SRGAP3: variants seen among roughly 807,000 people sequenced by gnomAD.
SRGAP3 encodes SLIT-ROBO Rho GTPase activating protein 3, also known as SLIT-ROBO Rho GTPase-activating protein 3.
SRGAP3 carries 39 observed loss-of-function variants against 121.1 expected under a neutral mutation model. The observed-to-expected ratio is 0.32, with a 90% CI of 0.25 to 0.42. The LOEUF (loss-of-function observed/expected upper bound fraction) is 0.42. Ranked by LOEUF, SRGAP3 falls within the 10% of genes least tolerant of loss-of-function variation. The pLI, the probability that SRGAP3 is intolerant of heterozygous loss-of-function variation, is 1.00. For synonymous variants in SRGAP3, 601 were observed against 570.0 expected (o/e 1.05, Z -0.77); for missense variants, 1,213 against 1,470.6 (o/e 0.82, Z 2.86).
intron 1 of SRGAP3, among the ~76,000 whole-genome samples, chr3:9,140,744 T>C (rs1949818284): frequency 6.6e-6 from 1 of 152,266 alleles, no homozygotes; most frequent in South Asian, 2.1e-4. Context: ...GGGCCATAGG[T>C]TGCCAACTCC....
chr3:9,185,057 C>T (rs1321705837), intron 1 of SRGAP3, among the ~76,000 whole-genome samples: 19 of 152,192 alleles, frequency 1.2e-4, no homozygotes, highest in Non-Finnish European at 5.9e-5. Flanking sequence ...GAAACCCCAT[C>T]TCTAAAACTA....
At chr3:9,211,664 T>TC (rs1457055282) in intron 1 of SRGAP3, among the ~76,000 whole-genome samples, 2 of 137,040 alleles carry the variant, frequency 1.5e-5, no homozygotes, top group Non-Finnish European at 3.1e-5. Flanking sequence ...ATCTTTCTTT[T>TC]CTTTTTTTTT....
At chr3:9,173,656 C>A (rs998570588) in intron 1 of SRGAP3, among the ~76,000 whole-genome samples, 11 of 152,082 alleles carry the variant, frequency 7.2e-5, no homozygotes, top group African/African-American at 2.7e-4. Context: ...AGTGGCTTCA[C>A]ACATGTTGTT....
intron 14 of SRGAP3, among the ~76,000 whole-genome samples, chr3:9,019,783 T>C (rs1943822637): frequency 6.6e-6 from 1 of 152,220 alleles, no homozygotes; most frequent in Non-Finnish European, 1.5e-5. Flanking sequence ...TCAGTTCCCA[T>C]CTGTTCTCTT....
chr3:9,029,950 G>C (rs1041417598), intron 12 of SRGAP3, among the ~76,000 whole-genome samples: 3 of 146,414 alleles, frequency 2.0e-5, no homozygotes, highest in African/African-American at 7.7e-5. Flanking sequence ...AGACCAGCCT[G>C]AACAACATGG....
chr3:9,251,264 C>T (rs1559243813), upstream of SRGAP3, among the ~76,000 whole-genome samples: 1 of 152,206 alleles, frequency 6.6e-6, no homozygotes, highest in Admixed American at 6.5e-5. Flanking sequence ...AATCATGGGG[C>T]TTATTATAGC....
chr3:9,260,672 C>T (rs1954235808), intron 3 of SRGAP3, among the ~76,000 whole-genome samples: 1 of 152,196 alleles, frequency 6.6e-6, no homozygotes, highest in Non-Finnish European at 1.5e-5. Flanking sequence ...GATACAATTC[C>T]CATCTCCCTG....
intron 21 of SRGAP3, among the ~76,000 whole-genome samples, chr3:8,988,435 T>A (rs1941851337): frequency 6.6e-6 from 1 of 152,168 alleles, no homozygotes; most frequent in Admixed American, 6.5e-5. Flanking sequence ...GTTACTTACA[T>A]ATCATTTACT....
At chr3:9,253,548 A>G (rs1222319717), upstream of SRGAP3, among the ~76,000 whole-genome samples, 2 of 152,028 alleles carry the variant, frequency 1.3e-5, no homozygotes, top group Non-Finnish European at 2.9e-5. Flanking sequence ...AAGTACTTTT[A>G]TTTTTCTGGT....
intron 3 of SRGAP3, among the ~76,000 whole-genome samples, chr3:9,088,814 C>T (rs1362480533): frequency 2.6e-5 from 4 of 152,134 alleles, no homozygotes; most frequent in African/African-American, 9.7e-5. Flanking sequence ...TCTGGTAATT[C>T]TAGAAGATCC....
At chr3:9,093,351 A>G (rs1947832689) in intron 3 of SRGAP3, among the ~76,000 whole-genome samples, 1 of 152,116 alleles carries the variant, frequency 6.6e-6, no homozygotes, top group African/African-American at 2.4e-5. Context: ...GTATTCACCC[A>G]TCTATCCACC....
At chr3:9,172,704 G>C (rs1422025485) in intron 1 of SRGAP3, among the ~76,000 whole-genome samples, 1 of 152,106 alleles carries the variant, frequency 6.6e-6, no homozygotes, top group African/African-American at 2.4e-5. Context: ...GCCTCTCCTG[G>C]GCACTTGAAG....
At chr3:9,129,882 C>A (rs1010765475) in intron 1 of SRGAP3, among the ~76,000 whole-genome samples, 2 of 152,008 alleles carry the variant, frequency 1.3e-5, no homozygotes, top group Admixed American at 1.3e-4. Context: ...CTTCTTCAGC[C>A]TCCCAAGTAG....
chr3:9,347,944 C>A (rs753860653), intron 1 of SRGAP3, among the ~76,000 whole-genome samples: 4 of 152,166 alleles, frequency 2.6e-5, no homozygotes, highest in African/African-American at 4.8e-5. Context: ...CTTGATTTTG[C>A]TCACATTTCT....
rs1941368505 is a variant in SRGAP3, at chr3:8,980,671, G to A, written c.*4848C>T. 1 of 231,972 alleles carries A rather than the reference G, an allele frequency of 4.3e-6. No individual in the cohort carries two copies. The highest frequency in any genetic ancestry group is 1.8e-4 in the South Asian group (1 of 5,510). 14.4% of individuals were successfully genotyped at this position (231,972 alleles called of 1,614,324 possible). A position where few individuals can be genotyped will look rare whatever the true frequency, so the allele number is the denominator to read the frequency against. On this transcript the variant is annotated 3_prime_UTR_variant, in exon 22 of 22. Coordinates refer to ENST00000383836, the MANE Select transcript of SRGAP3 (RefSeq NM_014850.4). ...GGCACCATCAGAATACGCGACAGAG[G>A]ATCCAATCAGACACTCTATAGGACG...
intron 1 of SRGAP3, among the ~76,000 whole-genome samples, chr3:9,231,144 C>T (rs1041089866): frequency 2.6e-5 from 4 of 152,176 alleles, no homozygotes; most frequent in Admixed American, 6.5e-5. Context: ...TGTGGTTTAT[C>T]GGCCAAGGTC....
At chr3:9,246,005 C>T (rs1574934454) in intron 1 of SRGAP3, among the ~76,000 whole-genome samples, 5 of 152,290 alleles carry the variant, frequency 3.3e-5, no homozygotes, top group South Asian at 2.1e-4. Flanking sequence ...GTAGTGAGTT[C>T]CCCATCACTA....
chr3:9,041,276 C>A (rs1945000096), intron 10 of SRGAP3, among the ~76,000 whole-genome samples: 1 of 152,230 alleles, frequency 6.6e-6, no homozygotes, highest in Admixed American at 6.5e-5. Context: ...GCTGGTTCCA[C>A]CTCCACAAAC....
chr3:9,167,466 T>G (rs1458662322), intron 1 of SRGAP3, among the ~76,000 whole-genome samples: 1 of 152,180 alleles, frequency 6.6e-6, no homozygotes, highest in African/African-American at 2.4e-5. Flanking sequence ...CCCAGGCCTA[T>G]GCCTCACTTT....
Sources: allele counts gnomAD v4.1 joint callset (sites outside exome capture counted in the v4.1 genomes callset), GRCh38; gene constraint gnomAD v4.1.1; transcripts MANE v1.5; gene names NCBI Gene and HGNC (gene_info 2026-07-23, HGNC 2026-07-21).